VAT1L: variants seen among roughly 807,000 people sequenced by gnomAD.
The protein encoded by VAT1L is vesicle amine transport 1 like.
A neutral mutation model predicts 44.1 loss-of-function variants in VAT1L; 34 were observed. The ratio of observed to expected loss-of-function variants is 0.77; its 90% CI spans 0.59 to 1.03. The LOEUF is 1.03. VAT1L is among the 50% of genes least tolerant of loss of function. The pLI is 0.00. For synonymous variants in VAT1L, 253 were observed against 202.2 expected (o/e 1.25, Z -2.13); for missense variants, 615 against 538.8 (o/e 1.14, Z -1.40).
intron 1 of VAT1L, among the ~76,000 whole-genome samples, chr16:77,808,857 A>G (rs2016211961): frequency 6.6e-6 from 1 of 152,150 alleles, no homozygotes; most frequent in Non-Finnish European, 1.5e-5. Context: ...TCAGCCTCCC[A>G]AAGTGCTGCG....
chr16:77,831,982 A>ATTTT (rs151275500), intron 3 of VAT1L, among the ~76,000 whole-genome samples: 4,410 of 125,846 alleles, frequency 0.035, 183 homozygotes, highest in African/African-American at 0.074. Context: ...TGCCCGGCTA[A>ATTTT]TTTTTTTTTT....
rs1249169619 is a variant in VAT1L, at chr16:77,894,034, G to A, written c.1077+9232G>A. ...AATGAAGGCATACAGAGAGGAATACGTTGCCCAAGGTCACACGGCCAATGC... is the reference window on the plus strand; with the variant it reads ...AATGAAGGCATACAGAGAGGAATACATTGCCCAAGGTCACACGGCCAATGC... On this transcript the variant is annotated intron_variant, in intron 7 of 8. Coordinates refer to ENST00000302536, the MANE Select transcript of VAT1L (RefSeq NM_020927.3). Among the ~76,000 whole-genome samples, 5 of 152,160 alleles carry A rather than the reference G, an allele frequency of 3.3e-5. No individual in the cohort carries two copies. In the East Asian group the frequency reaches 5.8e-4, roughly 18 times the overall value.
chr16:77,802,257 TCTTGAATGGAGACCCAG>T (rs2016071022), intron 1 of VAT1L, among the ~76,000 whole-genome samples: 1 of 152,176 alleles, frequency 6.6e-6, no homozygotes, highest in Non-Finnish European at 1.5e-5. Context: ...GCCTGTTTGT[TCTTGAATGGAGACCCAG>T]CTTCCAAAAT....
At chr16:77,870,194 C>A (rs11649054) in intron 4 of VAT1L, among the ~76,000 whole-genome samples, 1 of 151,992 alleles carries the variant, frequency 6.6e-6, no homozygotes, top group Non-Finnish European at 1.5e-5. Flanking sequence ...AGAAGCCTAC[C>A]GTAGAGTAGG....
chr16:77,813,747 C>T (rs1168500573), intron 1 of VAT1L, among the ~76,000 whole-genome samples: 1 of 152,034 alleles, frequency 6.6e-6, no homozygotes, highest in Non-Finnish European at 1.5e-5. Context: ...TGTGTGTTTC[C>T]CAATTCATAG....
chr16:77,908,238 CAA>C (rs766945340), intron 7 of VAT1L, among the ~76,000 whole-genome samples: 15 of 91,704 alleles, frequency 1.6e-4, no homozygotes, highest in Admixed American at 3.4e-4. Flanking sequence ...GACTCTGTCT[CAA>C]AAAAAAAAAA....
chr16:77,830,730 C>A (rs1160368360), intron 3 of VAT1L, among the ~76,000 whole-genome samples: 1 of 152,176 alleles, frequency 6.6e-6, no homozygotes, highest in Non-Finnish European at 1.5e-5. Flanking sequence ...CTCTCTCAGG[C>A]TGGAGGGCTG....
chr16:77,887,876 T>C (rs1325662911), intron 7 of VAT1L, among the ~76,000 whole-genome samples: 1 of 152,202 alleles, frequency 6.6e-6, no homozygotes, highest in African/African-American at 2.4e-5. Context: ...CTTCCTGCTA[T>C]ACCTGAAATA....
chr16:77,795,533 TG>T (rs1314036792), intron 1 of VAT1L, among the ~76,000 whole-genome samples: 1 of 152,124 alleles, frequency 6.6e-6, no homozygotes, highest in East Asian at 1.9e-4. Context: ...TTAAACCTTT[TG>T]GGGGGTTGAA....
intron 1 of VAT1L, among the ~76,000 whole-genome samples, chr16:77,814,952 C>A (rs1423508468): frequency 6.6e-6 from 1 of 152,180 alleles, no homozygotes; most frequent in Non-Finnish European, 1.5e-5. Flanking sequence ...CGTGGCACCA[C>A]ATGTCAGTGC....
chr16:77,805,456 C>T (rs995756189), intron 1 of VAT1L, among the ~76,000 whole-genome samples: 2 of 152,218 alleles, frequency 1.3e-5, no homozygotes, highest in Non-Finnish European at 2.9e-5. Flanking sequence ...ATTAATCAAA[C>T]ATCTGCTTCT....
At chr16:77,954,540 G>T (rs961503745) in intron 7 of VAT1L, among the ~76,000 whole-genome samples, 2 of 152,228 alleles carry the variant, frequency 1.3e-5, no homozygotes, top group South Asian at 4.2e-4. Flanking sequence ...CAGGAGAATC[G>T]CTTGAACCCG....
chr16:77,955,773 G>C (rs1340559910), intron 7 of VAT1L, among the ~76,000 whole-genome samples: 2 of 148,852 alleles, frequency 1.3e-5, no homozygotes, highest in African/African-American at 2.5e-5. Context: ...AAATGACCCA[G>C]GGACAAGCAA....
intron 7 of VAT1L, among the ~76,000 whole-genome samples, chr16:77,919,132 G>C (rs763265862): frequency 3.3e-5 from 5 of 151,924 alleles, no homozygotes; most frequent in Non-Finnish European, 7.3e-5. Context: ...GGGTGTGTGT[G>C]TGTGCATGTG....
At chr16:77,789,028 C>G (rs915648096) in intron 1 of VAT1L, 113 bp downstream of exon 1, 47 of 1,256,050 alleles carry the variant, frequency 3.7e-5, no homozygotes, top group Middle Eastern at 2.6e-4. Context: ...GCGCGCACCC[C>G]CTCCGCGCCC....
intron 6 of VAT1L, chr16:77,882,312 A>G (rs1047261382): frequency 2.6e-5 from 4 of 152,266 alleles, no homozygotes; most frequent in Admixed American, 2.0e-4. Flanking sequence ...GTGCCTCACT[A>G]TTTGTCAAAC....
At chr16:77,920,630 T>G (rs1285012872) in intron 7 of VAT1L, among the ~76,000 whole-genome samples, 1 of 152,216 alleles carries the variant, frequency 6.6e-6, no homozygotes, top group Non-Finnish European at 1.5e-5. Flanking sequence ...CCACAGACGT[T>G]TGCTTAAGAC....
intron 1 of VAT1L, among the ~76,000 whole-genome samples, chr16:77,794,354 G>T (rs1295301046): frequency 6.6e-6 from 1 of 152,202 alleles, no homozygotes; most frequent in East Asian, 1.9e-4. Context: ...GTGAGATACA[G>T]TATGTGGGAT....
At chr16:77,950,135 G>A (rs1395274631) in intron 7 of VAT1L, among the ~76,000 whole-genome samples, 1 of 152,160 alleles carries the variant, frequency 6.6e-6, no homozygotes, top group African/African-American at 2.4e-5. Context: ...TTGGCCAGGT[G>A]CAGTGGCTCA....
Sources: allele counts gnomAD v4.1 joint callset (sites outside exome capture counted in the v4.1 genomes callset), GRCh38; gene constraint gnomAD v4.1.1; transcripts MANE v1.5; gene names NCBI Gene and HGNC (gene_info 2026-07-23, HGNC 2026-07-21).